The following ABCB11 variants were observed in gnomAD, a reference collection of about 807,000 sequenced individuals.
The protein encoded by ABCB11 is ATP binding cassette subfamily B member 11.
Under a neutral mutation model 148.0 loss-of-function variants are expected in ABCB11, and 95 were observed. The ratio of observed to expected loss-of-function variants is 0.64; its 90% confidence interval spans 0.54 to 0.76. The LOEUF (loss-of-function observed/expected upper bound fraction) is 0.76, where lower values mean the gene tolerates loss of function less well. Ranked by LOEUF, ABCB11 falls within the 30% of genes least tolerant of loss-of-function variation. The pLI is 0.00. For synonymous variants in ABCB11, 591 were observed against 555.4 expected (o/e 1.06, Z -0.90); for missense variants, 1,523 against 1,617.8 (o/e 0.94, Z 1.01).
chr2:168,994,046 G>A (rs570016880), intron 7 of ABCB11, among the ~76,000 whole-genome samples, 164 bp from the exon 8 acceptor site: 1 of 151,998 alleles, frequency 6.6e-6, no homozygotes, highest in South Asian at 2.1e-4. Flanking sequence ...CTGCACCTTG[G>A]GATGTTATCA....
Position 168,944,853 on chromosome 2 carries a change from T to C in ABCB11, c.2448+4A>G. On this transcript the variant is annotated splice_donor_region_variant and intron_variant, in intron 20 of 27. Coordinates refer to ENST00000650372, the MANE Select transcript of ABCB11 (RefSeq NM_003742.4). ...ATCACTTACTGAAAAATAACATTTCTTACCTGTAGAAATTGGGTGAAAAGA... is the reference window on the plus strand; with the variant it reads ...ATCACTTACTGAAAAATAACATTTCCTACCTGTAGAAATTGGGTGAAAAGA... 6.3e-7 allele frequency: 1 copy of C among 1,596,208 alleles called. No homozygotes were observed. The highest frequency in any genetic ancestry group is 8.5e-7 in the Non-Finnish European group (1 of 1,170,514).
chr2:168,927,114 ATCCTTG>A, intron 26 of ABCB11, 36 bp downstream of exon 26: 1 of 1,526,338 alleles, frequency 6.6e-7, no homozygotes, highest in South Asian at 1.1e-5. Context: ...ACTTCTCCCC[ATCCTTG>A]TCTCTCATAG....
chr2:168,956,253 A>G (rs1345973623), intron 19 of ABCB11, among the ~76,000 whole-genome samples: 1 of 151,460 alleles, frequency 6.6e-6, no homozygotes. Context: ...CCATGATCCA[A>G]TTACCTCCCA....
At chr2:169,016,878 C>G in intron 2 of ABCB11, 79 bp from the exon 3 acceptor site, 1 of 1,107,186 alleles carries the variant, frequency 9.0e-7, no homozygotes. Flanking sequence ...GAAATTTGCT[C>G]TAGAAAAATA....
chr2:168,957,219 C>T (rs1692838897), intron 19 of ABCB11, among the ~76,000 whole-genome samples: 1 of 151,634 alleles, frequency 6.6e-6, no homozygotes, highest in Admixed American at 6.6e-5. Context: ...GGATTTGAAT[C>T]CCAACTCCAC....
At chr2:168,964,335 G>T (rs1187422766) in intron 17 of ABCB11, 27 bp from the exon 18 acceptor site, 3 of 1,523,920 alleles carry the variant, frequency 2.0e-6, no homozygotes, top group Non-Finnish European at 1.8e-6. Context: ...AGATGAAACA[G>T]TGTAGACTGT....
At chr2:168,980,355 G>C (rs948691388) in intron 10 of ABCB11, among the ~76,000 whole-genome samples, 5 of 151,956 alleles carry the variant, frequency 3.3e-5, no homozygotes, top group Admixed American at 1.3e-4. Context: ...CTGGTTAAAG[G>C]GTTGCCAAAA....
chr2:168,930,055 G>A (rs867886401), intron 25 of ABCB11, among the ~76,000 whole-genome samples: 29 of 152,098 alleles, frequency 1.9e-4, no homozygotes, highest in Non-Finnish European at 1.9e-4. Context: ...TTTATTATTT[G>A]ATTTTGTGAC....
intron 5 of ABCB11, among the ~76,000 whole-genome samples, chr2:169,000,577 T>C (rs73020774): frequency 0.065 from 9,942 of 152,222 alleles, 354 homozygotes; most frequent in African/African-American, 0.075. Context: ...CAAAAATCAA[T>C]TGGACATATT....
rs201087979 is a variant in ABCB11, at chr2:168,935,354, T to C, written c.2886A>G (p.Ala962=). Residue 962 remains alanine, a synonymous_variant, in exon 23 of 28, where the codon GCA becomes GCG. Transcript: ENST00000650372. Reference sequence around the variant, plus strand: ...AGGGCTTCTCCAGCTCAGTCTCAAGTGCTTCAATGAACCGCCTCTCCTTTC... The same window carrying C: ...AGGGCTTCTCCAGCTCAGTCTCAAGCGCTTCAATGAACCGCCTCTCCTTTC... ...GIGKERRFIE[A]LETELEKPFK... is the part of the protein sequence containing the mutation. 7.1e-5 allele frequency: 114 copies of C among 1,614,014 alleles called. No homozygotes were observed. The African/African-American group carries it at 1.4e-3, about 20-fold the overall frequency.
At chr2:169,008,754 A>G (rs1391605196) in intron 5 of ABCB11, among the ~76,000 whole-genome samples, 3 of 152,214 alleles carry the variant, frequency 2.0e-5, no homozygotes, top group Admixed American at 6.5e-5. Context: ...ATAGTTAAAC[A>G]TAGAGTTACC....
At chr2:168,999,769 A>G (rs1408375521) in intron 5 of ABCB11, among the ~76,000 whole-genome samples, 3 of 152,148 alleles carry the variant, frequency 2.0e-5, no homozygotes, top group African/African-American at 7.2e-5. Flanking sequence ...ATTACAAATT[A>G]AGCAGCTATC....
At chr2:168,975,552 C>CAATAT (rs1558901192) in intron 12 of ABCB11, among the ~76,000 whole-genome samples, 14 of 6,158 alleles carry the variant, frequency 2.3e-3, no homozygotes, top group Non-Finnish European at 4.6e-3. Flanking sequence ...TATATAAATA[C>CAATAT]ATAAATATTT....
At chr2:168,964,428 G>T in intron 17 of ABCB11, 120 bp from the exon 18 acceptor site, 1 of 815,462 alleles carries the variant, frequency 1.2e-6, no homozygotes, top group Non-Finnish European at 1.9e-6. Flanking sequence ...AGGTCACATG[G>T]TAACCAGGAA....
chr2:168,975,286 TTTAA>T (rs1407422983), intron 12 of ABCB11, among the ~76,000 whole-genome samples: 1 of 76,610 alleles, frequency 1.3e-5, no homozygotes, highest in African/African-American at 5.8e-5. Flanking sequence ...TATATGAATA[TTTAA>T]ATATTTTTAT....
At chr2:168,993,435 A>T (rs1694607441) in intron 8 of ABCB11, among the ~76,000 whole-genome samples, 1 of 152,090 alleles carries the variant, frequency 6.6e-6, no homozygotes, top group South Asian at 2.1e-4. Context: ...AAGATTAGAG[A>T]TAATGACTAT....
rs1558901132 is a variant in ABCB11 at position 168,975,544 on chromosome 2, T to TATAAATATTTTTATATTTATAG, written c.1308+1032_1308+1033insCTATAAATATAAAAATATTTAT. Reference sequence around the variant, plus strand: ...ATATTTTTATATTTATAGATAAATATATAAATACATAAATATTTTTATATT... The same window carrying TATAAATATTTTTATATTTATAG: ...ATATTTTTATATTTATAGATAAATATATAAATATTTTTATATTTATAGATAAATACATAAATATTTTTATATT... On this transcript the variant is annotated intron_variant, in intron 12 of 27. Coordinates refer to ENST00000650372, the MANE Select transcript of ABCB11 (RefSeq NM_003742.4). 9.7e-3 allele frequency among the ~76,000 whole-genome samples: 234 copies of TATAAATATTTTTATATTTATAG among 24,014 alleles called. 102 individuals are homozygous for TATAAATATTTTTATATTTATAG. Among genetic ancestry groups the TATAAATATTTTTATATTTATAG allele is most frequent in the East Asian group, 0.015 (6 of 406 alleles). 15.8% of individuals were successfully genotyped at this position (24,014 alleles called of 152,430 possible).
chr2:168,950,404 G>T (rs535390398), intron 19 of ABCB11, among the ~76,000 whole-genome samples: 133 of 151,754 alleles, frequency 8.8e-4, no homozygotes, highest in African/African-American at 3.1e-3. Context: ...CTCACCAGCA[G>T]TATATAAGCA....
intron 2 of ABCB11, 124 bp downstream of exon 2, chr2:169,017,926 A>G (rs772561875): frequency 1.2e-6 from 1 of 832,468 alleles, no homozygotes; most frequent in Non-Finnish European, 2.1e-6. Flanking sequence ...TAAGAATCAC[A>G]CACAATGATA....
Sources: allele counts gnomAD v4.1 joint callset (sites outside exome capture counted in the v4.1 genomes callset), GRCh38; gene constraint gnomAD v4.1.1; transcripts MANE v1.5; gene names NCBI Gene and HGNC (gene_info 2026-07-23, HGNC 2026-07-21).